The following ABHD12B variants were observed in gnomAD, a reference collection of about 807,000 sequenced individuals.
ABHD12B encodes the protein protein ABHD12B.
Under a neutral mutation model 50.4 loss-of-function variants are expected in ABHD12B, and 42 were observed. That is an observed-to-expected ratio of 0.83 (90% CI 0.65 to 1.08). The LOEUF is 1.08. Ranked by LOEUF, ABHD12B falls within the 50% of genes least tolerant of loss-of-function variation. The probability of loss-of-function intolerance (pLI) is 0.00; values close to 1 mark genes in which losing one functional copy is unlikely to be tolerated. For missense variants in ABHD12B, 479 were observed against 447.7 expected, an observed-to-expected ratio of 1.07 and a Z score of -0.63; for synonymous variants, 167 against 160.3, an observed-to-expected ratio of 1.04 and a Z score of -0.32.
intron 10 of ABHD12B, among the ~76,000 whole-genome samples, chr14:50,902,623 G>A (rs936139729): frequency 1.3e-5 from 2 of 152,208 alleles, no homozygotes; most frequent in African/African-American, 4.8e-5. Flanking sequence ...AATTTATCAA[G>A]TTAGCCTGTT....
Position 50,880,451 on chromosome 14 carries a change from G to T in ABHD12B, c.336-1G>T. ...TTGTTTAAACCTCCCTTGCTCTTCAGGCACACAGTCCCCAGCTGCCGGGGG... is the reference window on the plus strand; with the variant it reads ...TTGTTTAAACCTCCCTTGCTCTTCATGCACACAGTCCCCAGCTGCCGGGGG... On this transcript the variant is annotated splice_acceptor_variant, in intron 3 of 12. Coordinates refer to ENST00000337334, the MANE Select transcript of ABHD12B (RefSeq NM_001206673.2). LOFTEE classifies it high-confidence loss of function. 6.2e-7 allele frequency: 1 copy of T among 1,601,652 alleles called. No homozygotes were observed. The highest frequency in any genetic ancestry group is 8.5e-7 in the Non-Finnish European group (1 of 1,175,048).
intron 9 of ABHD12B, among the ~76,000 whole-genome samples, chr14:50,896,552 C>T (rs547327707): frequency 6.7e-6 from 1 of 149,830 alleles, no homozygotes; most frequent in African/African-American, 2.4e-5. Context: ...CCTGCCCCAC[C>T]TTAACTGAGT....
intron 1 of ABHD12B, among the ~76,000 whole-genome samples, chr14:50,875,076 C>A (rs2049842695): frequency 6.6e-6 from 1 of 152,202 alleles, no homozygotes; most frequent in African/African-American, 2.4e-5. Flanking sequence ...CCATGTTGTT[C>A]TTGTTGTCTG....
chr14:50,883,996 C>T (rs1408891720), intron 5 of ABHD12B, among the ~76,000 whole-genome samples: 6 of 147,184 alleles, frequency 4.1e-5, no homozygotes, highest in African/African-American at 1.5e-4. Flanking sequence ...TCTTTTACTT[C>T]CCACTATTTT....
chr14:50,879,393 T>C (rs1358831440), intron 3 of ABHD12B, among the ~76,000 whole-genome samples: 2 of 152,240 alleles, frequency 1.3e-5, no homozygotes, highest in Non-Finnish European at 2.9e-5. Context: ...TACAAGACTA[T>C]AGCTTCAGCA....
At position 50,885,880 on chromosome 14, in the gene ABHD12B, A is replaced by T. The variant is rs2050029017; in HGVS notation, c.647A>T (p.His216Leu). 17 of 1,613,926 alleles carry T rather than the reference A, an allele frequency of 1.1e-5. No individual in the cohort carries two copies. The highest frequency in any genetic ancestry group is 1.4e-5 in the Non-Finnish European group (16 of 1,179,960). ...ATCACTCCCGTGTGTCTCTGGGGCC[A>T]CTCTCTGGGTACAGGGTAAGTGAGA... Reference protein sequence around the residue: ...SGITPVCLWGHSLGTGVATNA... With the variant: ...SGITPVCLWGLSLGTGVATNA... Residue 216 changes from histidine (H) to leucine (L), a missense_variant, in exon 7 of 13, where the codon CAC (histidine) becomes CTC (leucine). Transcript: ENST00000337334.
At position 50,885,791 on chromosome 14, in the gene ABHD12B, C is replaced by G. The variant is rs748242286; in HGVS notation, c.558C>G (p.Pro186=). 1.9e-6 allele frequency: 3 copies of G among 1,614,126 alleles called. No individual in the cohort carries two copies. The South Asian group carries it at 3.3e-5, about 18-fold the overall frequency. The stretch of plus-strand genomic sequence containing the variant: ...GATTTGGGGACTCTACAGGTAAGCC[C>G]ACAGAGGAGGGACTGACTACGGATG... ...YRGFGDSTGK[P]TEEGLTTDAI... is the part of the protein sequence containing the mutation. The change falls in exon 7 of 13, where the codon CCC becomes CCG. Residue 186 remains proline, a synonymous_variant. Coordinates refer to ENST00000337334, the MANE Select transcript of ABHD12B (RefSeq NM_001206673.2).
chr14:50,872,377 C>G (rs1464794006), intron 1 of ABHD12B, 99 bp downstream of exon 1: 1 of 876,072 alleles, frequency 1.1e-6, no homozygotes, highest in African/African-American at 1.8e-5. Flanking sequence ...GCAATCCCCT[C>G]TGCTGGCCCG....
intron 8 of ABHD12B, among the ~76,000 whole-genome samples, chr14:50,887,397 T>C (rs2050057830): frequency 6.6e-6 from 1 of 152,044 alleles, no homozygotes; most frequent in Admixed American, 6.6e-5. Flanking sequence ...CCTAGCTGAT[T>C]TGAAGAATTA....
intron 1 of ABHD12B, among the ~76,000 whole-genome samples, chr14:50,875,129 C>T (rs1357793664): frequency 6.6e-6 from 1 of 152,096 alleles, no homozygotes; most frequent in African/African-American, 2.4e-5. Context: ...AATGGGAAAG[C>T]CATCACAGAA....
At chr14:50,874,213 T>C (rs948236620) in intron 1 of ABHD12B, among the ~76,000 whole-genome samples, 2 of 152,234 alleles carry the variant, frequency 1.3e-5, no homozygotes, top group African/African-American at 2.4e-5. Flanking sequence ...ATCTAGTTAT[T>C]TATTTTACAA....
At position 50,885,798 on chromosome 14, in the gene ABHD12B, G is replaced by A. The variant is rs773617068; in HGVS notation, c.565G>A (p.Glu189Lys). Residue 189 changes from glutamate (E) to lysine (K), a missense_variant, in exon 7 of 13, where the codon GAG (glutamate) becomes AAG (lysine). Glu to Lys is a moderately conservative substitution (Grantham distance 56). Coordinates refer to ENST00000337334, the MANE Select transcript of ABHD12B (RefSeq NM_001206673.2). ...GGACTCTACAGGTAAGCCCACAGAGGAGGGACTGACTACGGATGCCATTTG... is the reference window on the plus strand; with the variant it reads ...GGACTCTACAGGTAAGCCCACAGAGAAGGGACTGACTACGGATGCCATTTG... ...FGDSTGKPTE[E>K]GLTTDAICVY... The A allele has an allele frequency of 7.4e-6, 12 of 1,614,062 alleles. No individual in the cohort carries two copies. In the South Asian group the frequency reaches 1.3e-4, roughly 18 times the overall value.
At chr14:50,879,383 T>C (rs1416855976) in intron 3 of ABHD12B, among the ~76,000 whole-genome samples, 1 of 152,236 alleles carries the variant, frequency 6.6e-6, no homozygotes, top group Non-Finnish European at 1.5e-5. Flanking sequence ...TTGTCTTCCT[T>C]ACAAGACTAT....
At chr14:50,891,292 G>C (rs1490455051) in intron 9 of ABHD12B, 1 of 151,888 alleles carries the variant, frequency 6.6e-6, no homozygotes, top group Non-Finnish European at 1.5e-5. Flanking sequence ...GTCCAGGCTG[G>C]AGTGCAGTGG....
intron 7 of ABHD12B, among the ~76,000 whole-genome samples, chr14:50,886,163 C>T (rs781630345): frequency 1.2e-4 from 19 of 152,120 alleles, no homozygotes; most frequent in African/African-American, 3.6e-4. Flanking sequence ...CTTGGCCAGG[C>T]GGGGTAGCTC....
At chr14:50,897,196 C>G (rs990164349) in intron 9 of ABHD12B, among the ~76,000 whole-genome samples, 1 of 151,826 alleles carries the variant, frequency 6.6e-6, no homozygotes, top group Non-Finnish European at 1.5e-5. Flanking sequence ...CCCCACCCTC[C>G]CAAGTAGCTG....
rs1187457861 is a variant in ABHD12B at position 50,881,613 on chromosome 14, T to G, written c.473T>G (p.Leu158Arg). 6.2e-7 allele frequency: 1 copy of G among 1,606,826 alleles called. No homozygotes were observed. Among genetic ancestry groups the G allele is most frequent in the Non-Finnish European group, 8.5e-7 (1 of 1,176,892 alleles). ...CTTCACAGGGCAGCTTCGCACAGAC[T>G]GAAGCTGGTAAAGGTATGTCTGAAG... ...SAEHRAASHR[L>R]KLVKVLSDGG... Residue 158 changes from leucine (L) to arginine (R), a missense_variant, in exon 5 of 13, where the codon CTG (leucine) becomes CGG (arginine). Leu to Arg is a moderately radical substitution (Grantham distance 102, BLOSUM62 -2). Transcript: ENST00000337334.
At chr14:50,904,292 T>C in intron 12 of ABHD12B, 47 bp from the exon 13 acceptor site, 1 of 1,614,088 alleles carries the variant, frequency 6.2e-7, no homozygotes, top group Non-Finnish European at 8.5e-7. Context: ...ATTTTGCTTA[T>C]TTAGGTAGGG....
chr14:50,902,010 A>C (rs1245701929), intron 10 of ABHD12B, 99 bp downstream of exon 10: 1 of 705,816 alleles, frequency 1.4e-6, no homozygotes, highest in African/African-American at 1.8e-5. Context: ...AGACATCCTG[A>C]ATATCATTCT....
Sources: allele counts gnomAD v4.1 joint callset (sites outside exome capture counted in the v4.1 genomes callset), GRCh38; gene constraint gnomAD v4.1.1; transcripts MANE v1.5; gene names NCBI Gene and HGNC (gene_info 2026-07-23, HGNC 2026-07-21).